NKAIN2: variants seen among roughly 807,000 people sequenced by gnomAD.
The protein encoded by NKAIN2 is sodium/potassium transporting ATPase interacting 2.
NKAIN2 carries 14 observed loss-of-function variants against 32.6 expected under a neutral mutation model. The observed-to-expected ratio is 0.43, with a 90% CI of 0.28 to 0.67. NKAIN2 has a LOEUF of 0.67. NKAIN2 is among the 30% of genes least tolerant of loss of function. NKAIN2 has a pLI of 0.17. For missense variants in NKAIN2, 198 were observed against 258.3 expected, an observed-to-expected ratio of 0.77 and a Z score of 1.60; for synonymous variants, 80 against 87.2, an observed-to-expected ratio of 0.92 and a Z score of 0.46.
At chr6:124,359,913 C>T (rs1799191207) in intron 3 of NKAIN2, among the ~76,000 whole-genome samples, 1 of 152,110 alleles carries the variant, frequency 6.6e-6, no homozygotes, top group Non-Finnish European at 1.5e-5. Context: ...GTGGTTTTGT[C>T]ATAGATAACT....
chr6:123,909,785 G>A (rs561745800), intron 1 of NKAIN2, among the ~76,000 whole-genome samples: 2 of 152,102 alleles, frequency 1.3e-5, no homozygotes, highest in Non-Finnish European at 2.9e-5. Flanking sequence ...TATTTTAATA[G>A]GGTGTGTGTG....
intron 4 of NKAIN2, among the ~76,000 whole-genome samples, chr6:124,666,269 A>G (rs1412127845): frequency 2.6e-5 from 4 of 151,920 alleles, no homozygotes; most frequent in Non-Finnish European, 5.9e-5. Context: ...ATGTAAATAG[A>G]GAGTTTTCCC....
chr6:124,694,604 A>G (rs1774408627), intron 4 of NKAIN2, among the ~76,000 whole-genome samples: 1 of 152,220 alleles, frequency 6.6e-6, no homozygotes, highest in Non-Finnish European at 1.5e-5. Flanking sequence ...CTGCTCTTGA[A>G]CAAAGCAGGT....
intron 3 of NKAIN2, among the ~76,000 whole-genome samples, chr6:124,433,804 C>T (rs938030594): frequency 5.9e-5 from 9 of 152,116 alleles, no homozygotes; most frequent in African/African-American, 1.7e-4. Flanking sequence ...TTCTTCCATT[C>T]GCCAGGAGCC....
Position 124,353,754 on chromosome 6 carries a change from C to CA in NKAIN2, c.193-1503dup, listed in dbSNP as rs35531198. On this transcript the variant is annotated intron_variant, in intron 2 of 6. Transcript: ENST00000368417. The stretch of plus-strand genomic sequence containing the variant: ...TGGGCGACAGAGCGAGACTCCGTCT[C>CA]AAAAAAAAAAGAGGCACAGAGGTGG... Among the ~76,000 whole-genome samples the CA allele has an allele frequency of 3.8e-3, 548 of 145,576 alleles. 2 individuals carry two copies. Among genetic ancestry groups the CA allele is most frequent in the African/African-American group, 0.013 (502 of 39,524 alleles).
chr6:124,388,914 G>A (rs559487793), intron 3 of NKAIN2, among the ~76,000 whole-genome samples: 1 of 152,086 alleles, frequency 6.6e-6, no homozygotes, highest in South Asian at 2.1e-4. Flanking sequence ...ACTGACTACT[G>A]TTTCAAAGTA....
At chr6:123,840,149 G>A (rs1450700372) in intron 1 of NKAIN2, among the ~76,000 whole-genome samples, 1 of 151,916 alleles carries the variant, frequency 6.6e-6, no homozygotes, top group Non-Finnish European at 1.5e-5. Context: ...ATTGACAAAT[G>A]CTTTATGTTT....
chr6:124,407,591 A>G (rs1376394925), intron 3 of NKAIN2, among the ~76,000 whole-genome samples: 1 of 151,930 alleles, frequency 6.6e-6, no homozygotes, highest in Admixed American at 6.6e-5. Flanking sequence ...AATCCAGTCT[A>G]TCATTGTTGG....
intron 1 of NKAIN2, among the ~76,000 whole-genome samples, chr6:123,994,096 C>T (rs1779519250): frequency 6.6e-6 from 1 of 152,100 alleles, no homozygotes; most frequent in Admixed American, 6.6e-5. Context: ...GAGTAGAATA[C>T]TCTTGTCCTT....
rs115886290 is a variant in NKAIN2 at position 124,627,050 on chromosome 6, A to T, written c.274-31136A>T. ...TTTGGGAGGACAAGGTGGGTGGATA[A>T]CTTGAGTCCAGATGTTGGAGACCAG... On this transcript the variant is annotated intron_variant, in intron 3 of 6. Coordinates refer to ENST00000368417, the MANE Select transcript of NKAIN2 (RefSeq NM_001040214.3). Among the ~76,000 whole-genome samples, 293 of 152,266 alleles carry T rather than the reference A, an allele frequency of 1.9e-3. 1 individual carries two copies. Among genetic ancestry groups the T allele is most frequent in the African/African-American group, 6.7e-3 (277 of 41,546 alleles).
intron 4 of NKAIN2, among the ~76,000 whole-genome samples, chr6:124,751,680 T>G (rs968991458): frequency 1.3e-5 from 2 of 151,830 alleles, no homozygotes; most frequent in African/African-American, 4.8e-5. Flanking sequence ...AAATTTACAT[T>G]AAAAGACAGA....
chr6:124,734,286 A>G (rs1776834631), intron 4 of NKAIN2, among the ~76,000 whole-genome samples: 1 of 151,782 alleles, frequency 6.6e-6, no homozygotes, highest in Non-Finnish European at 1.5e-5. Flanking sequence ...ATTTGCTGTT[A>G]TCTCTGCTGG....
intron 1 of NKAIN2, among the ~76,000 whole-genome samples, chr6:124,042,416 C>T (rs1781911574): frequency 6.6e-6 from 1 of 152,034 alleles, no homozygotes; most frequent in African/African-American, 2.4e-5. Context: ...GGTGGTCCAG[C>T]CAGTAGCTGC....
intron 1 of NKAIN2, among the ~76,000 whole-genome samples, chr6:123,818,145 A>G (rs2114880365): frequency 6.6e-6 from 1 of 152,296 alleles, no homozygotes; most frequent in Middle Eastern, 3.4e-3. Context: ...AATGTCTTAA[A>G]AAGATTTAAG....
At chr6:124,022,958 TG>T (rs1029461931) in intron 1 of NKAIN2, among the ~76,000 whole-genome samples, 5 of 151,906 alleles carry the variant, frequency 3.3e-5, no homozygotes, top group African/African-American at 1.2e-4. Flanking sequence ...TAGCAGTATG[TG>T]GGGGCACCAG....
intron 1 of NKAIN2, among the ~76,000 whole-genome samples, chr6:123,949,058 A>G (rs1582827617): frequency 6.6e-6 from 1 of 152,024 alleles, no homozygotes; most frequent in Non-Finnish European, 1.5e-5. Context: ...TTTATCAAAA[A>G]TCAGTTGGCT....
intron 1 of NKAIN2, among the ~76,000 whole-genome samples, chr6:124,103,347 A>G (rs1784976421): frequency 6.6e-6 from 1 of 152,200 alleles, no homozygotes; most frequent in South Asian, 2.1e-4. Flanking sequence ...GCATTTCCCC[A>G]TGTTCACATT....
At chr6:124,805,503 A>T (rs1042206716) in intron 5 of NKAIN2, among the ~76,000 whole-genome samples, 6 of 152,302 alleles carry the variant, frequency 3.9e-5, no homozygotes, top group African/African-American at 9.6e-5. Context: ...CATCACCATC[A>T]TCAAAGACCA....
At chr6:124,415,878 CT>C in intron 3 of NKAIN2, among the ~76,000 whole-genome samples, 4,703 of 72,572 alleles carry the variant, frequency 0.065, 206 homozygotes, top group African/African-American at 0.2. Context: ...TTTTTATTTG[CT>C]TTTTTTTTTT....
Sources: allele counts gnomAD v4.1 joint callset (sites outside exome capture counted in the v4.1 genomes callset), GRCh38; gene constraint gnomAD v4.1.1; transcripts MANE v1.5; gene names NCBI Gene and HGNC (gene_info 2026-07-23, HGNC 2026-07-21).